Variants in DIAPH3 observed in about 807,000 individuals in gnomAD.
DIAPH3 encodes diaphanous related formin 3.
A neutral mutation model predicts 144.3 loss-of-function variants in DIAPH3; 117 were observed. The ratio of observed to expected loss-of-function variants is 0.81; its 90% CI spans 0.70 to 0.95. DIAPH3 has a LOEUF of 0.95. Ranked by LOEUF, DIAPH3 falls within the 40% of genes least tolerant of loss-of-function variation. DIAPH3 has a pLI of 0.00. For synonymous variants in DIAPH3, 519 were observed against 488.9 expected, an observed-to-expected ratio of 1.06 and a Z score of -0.81; for missense variants, 1,421 against 1,412.7, an observed-to-expected ratio of 1.01 and a Z score of -0.09.
rs1286886705 is a variant in DIAPH3, at chr13:60,008,638, ACTT to A, written c.917_919del (p.Glu306del). On this transcript the variant is annotated inframe_deletion, in exon 9 of 28. Coordinates refer to ENST00000400324, the MANE Select transcript of DIAPH3 (RefSeq NM_001042517.2). ...ACCAGCTGAAGTTAAAGCTTCTAAA[ACTT>A]CTTCAAGGCTATTGGAAAATTTGAG... 2 of 1,612,528 alleles carry A rather than the reference ACTT, an allele frequency of 1.2e-6. No individual in the cohort carries two copies. The highest frequency in any genetic ancestry group is 1.7e-4 in the Middle Eastern group (1 of 6,042).
intron 17 of DIAPH3, among the ~76,000 whole-genome samples, chr13:59,938,689 G>A (rs2048374402): frequency 6.6e-6 from 1 of 152,024 alleles, no homozygotes; most frequent in Non-Finnish European, 1.5e-5. Flanking sequence ...CAACCCAAAT[G>A]TTCCATATAC....
chr13:59,912,163 T>C (rs2140239529), intron 19 of DIAPH3, among the ~76,000 whole-genome samples: 1 of 152,306 alleles, frequency 6.6e-6, no homozygotes, highest in South Asian at 2.1e-4. Flanking sequence ...ATCCATTACA[T>C]TTCAGCTTTA....
At chr13:59,672,931 A>G (rs1481291560) in intron 27 of DIAPH3, among the ~76,000 whole-genome samples, 1 of 152,252 alleles carries the variant, frequency 6.6e-6, no homozygotes, top group East Asian at 1.9e-4. Context: ...CTTTGAATAG[A>G]GGAAACAACT....
chr13:60,158,942 C>T (rs889712802), intron 1 of DIAPH3, among the ~76,000 whole-genome samples: 1 of 139,750 alleles, frequency 7.2e-6, no homozygotes, highest in East Asian at 2.1e-4. Flanking sequence ...ACCAAATAAC[C>T]TGTAAAGTCA....
intron 27 of DIAPH3, among the ~76,000 whole-genome samples, chr13:59,721,466 C>T (rs1175269253): frequency 2.0e-5 from 3 of 152,072 alleles, no homozygotes; most frequent in Non-Finnish European, 4.4e-5. Context: ...TATTTCAGTA[C>T]TCAAGCTGTT....
chr13:59,830,692 T>A (rs1485407693), intron 24 of DIAPH3, among the ~76,000 whole-genome samples: 1 of 151,816 alleles, frequency 6.6e-6, no homozygotes, highest in African/African-American at 2.4e-5. Flanking sequence ...ACCTCTATTA[T>A]ATGCATAACT....
chr13:59,751,620 G>C (rs1258753412), intron 27 of DIAPH3, among the ~76,000 whole-genome samples: 1 of 152,144 alleles, frequency 6.6e-6, no homozygotes, highest in Non-Finnish European at 1.5e-5. Context: ...ATCAACCTCT[G>C]GATGTCTGTA....
chr13:60,103,347 C>T (rs1468625859), intron 3 of DIAPH3, among the ~76,000 whole-genome samples: 10 of 152,008 alleles, frequency 6.6e-5, no homozygotes. Flanking sequence ...AATTTACATA[C>T]ATCAAGTTGA....
At chr13:59,910,610 T>C (rs2046949606) in intron 20 of DIAPH3, among the ~76,000 whole-genome samples, 1 of 151,604 alleles carries the variant, frequency 6.6e-6, no homozygotes, top group African/African-American at 2.4e-5. Flanking sequence ...CCACCTATAA[T>C]CCCAGCTACT....
intron 18 of DIAPH3, among the ~76,000 whole-genome samples, chr13:59,917,443 G>A (rs926897526): frequency 1.1e-4 from 16 of 152,094 alleles, no homozygotes; most frequent in Non-Finnish European, 2.2e-4. Context: ...ATCACCTACA[G>A]ATTAACAAGG....
intron 20 of DIAPH3, among the ~76,000 whole-genome samples, chr13:59,906,423 G>C (rs1403297034): frequency 1.3e-5 from 2 of 152,196 alleles, no homozygotes; most frequent in East Asian, 3.9e-4. Flanking sequence ...TGTGTGGAAT[G>C]AAAAGAGGTA....
At chr13:60,030,288 C>T (rs2054694814) in intron 5 of DIAPH3, among the ~76,000 whole-genome samples, 1 of 152,104 alleles carries the variant, frequency 6.6e-6, no homozygotes, top group Non-Finnish European at 1.5e-5. Flanking sequence ...AAATCCTGTG[C>T]TATATTTTAG....
intron 22 of DIAPH3, among the ~76,000 whole-genome samples, chr13:59,848,028 T>C (rs941905592): frequency 2.0e-5 from 3 of 152,226 alleles, no homozygotes; most frequent in Admixed American, 6.5e-5. Context: ...CATCTAACCA[T>C]AGAGCGCATC....
At chr13:60,158,861 A>T (rs1952150578) in intron 1 of DIAPH3, among the ~76,000 whole-genome samples, 1 of 147,440 alleles carries the variant, frequency 6.8e-6, no homozygotes, top group Non-Finnish European at 1.5e-5. Context: ...ACACCACAGC[A>T]CAGTCATACA....
chr13:59,810,841 C>T lies in DIAPH3; in HGVS notation c.3110G>A (p.Arg1037Gln), dbSNP rs568088579. Residue 1037 changes from arginine (R) to glutamine (Q), a missense_variant, in exon 25 of 28, where the codon CGA (arginine) becomes CAA (glutamine). By Grantham distance (43) the Arg-to-Gln change is conservative. Transcript: ENST00000400324. ...RVRIAKELAE[R>Q]ERLERQQKKK... is the part of the protein sequence containing the mutation. ...CTTTTGTTGGCGTTCGAGTCTTTCTCGCTCTGCTAATTCTTTAGCTATTCT... is the reference window on the plus strand; with the variant it reads ...CTTTTGTTGGCGTTCGAGTCTTTCTTGCTCTGCTAATTCTTTAGCTATTCT... 1.3e-5 allele frequency: 21 copies of T among 1,613,600 alleles called. No individual in the cohort carries two copies. In the Admixed American group the frequency reaches 1.8e-4, roughly 14 times the overall value.
chr13:59,892,547 G>T (rs2045870854), intron 20 of DIAPH3, among the ~76,000 whole-genome samples: 7 of 151,942 alleles, frequency 4.6e-5, no homozygotes, highest in Admixed American at 2.0e-4. Context: ...TAGGTAAGTA[G>T]ATATAAAAGA....
At chr13:59,898,225 T>C (rs1357216439) in intron 20 of DIAPH3, among the ~76,000 whole-genome samples, 5 of 151,226 alleles carry the variant, frequency 3.3e-5, no homozygotes, top group African/African-American at 9.7e-5. Flanking sequence ...TGCTATCCAC[T>C]ATACACTACA....
intron 17 of DIAPH3, among the ~76,000 whole-genome samples, chr13:59,926,936 A>G (rs2047779659): frequency 6.6e-6 from 1 of 152,188 alleles, no homozygotes; most frequent in Admixed American, 6.5e-5. Context: ...TTCTCCAACT[A>G]CAACTATATT....
intron 3 of DIAPH3, among the ~76,000 whole-genome samples, chr13:60,099,956 GA>G (rs1481045109): frequency 5.3e-5 from 8 of 150,660 alleles, no homozygotes; most frequent in Non-Finnish European, 1.2e-4. Context: ...AGGAAGGAAG[GA>G]AGGAAGGAAG....
Sources: allele counts gnomAD v4.1 joint callset (sites outside exome capture counted in the v4.1 genomes callset), GRCh38; gene constraint gnomAD v4.1.1; transcripts MANE v1.5; gene names NCBI Gene and HGNC (gene_info 2026-07-23, HGNC 2026-07-21).